Variants in MAGI2 observed in about 807,000 individuals in gnomAD.
MAGI2 encodes the protein membrane associated guanylate kinase, WW and PDZ domain containing 2.
MAGI2 carries 35 observed loss-of-function variants against 133.3 expected under a neutral mutation model. The observed-to-expected ratio is 0.26, with a 90% confidence interval of 0.20 to 0.35. The LOEUF is 0.35. Among genes scored for constraint, MAGI2 ranks in the 10% least tolerant of loss-of-function variants. The pLI is 1.00. For missense variants in MAGI2, 1,636 were observed against 1,863.4 expected, an observed-to-expected ratio of 0.88 and a Z score of 2.25; for synonymous variants, 729 against 710.6, an observed-to-expected ratio of 1.03 and a Z score of -0.41.
intron 2 of MAGI2, among the ~76,000 whole-genome samples, chr7:78,792,799 T>C (rs569493220): frequency 1.1e-4 from 17 of 152,218 alleles, no homozygotes; most frequent in Non-Finnish European, 2.4e-4. Flanking sequence ...AACCACCCTG[T>C]AGGTCTGTAG....
intron 1 of MAGI2, among the ~76,000 whole-genome samples, chr7:79,352,207 A>G (rs777017355): frequency 4.6e-5 from 7 of 152,218 alleles, no homozygotes; most frequent in Non-Finnish European, 8.8e-5. Flanking sequence ...GGATTTTCAT[A>G]AACTCCTCAC....
chr7:79,399,818 T>C (rs970352493), intron 1 of MAGI2, among the ~76,000 whole-genome samples: 2 of 152,286 alleles, frequency 1.3e-5, no homozygotes, highest in Non-Finnish European at 2.9e-5. Context: ...CTTAAAAAGA[T>C]CCTAGGTAAA....
At chr7:78,532,668 C>T (rs529029117) in intron 3 of MAGI2, among the ~76,000 whole-genome samples, 4 of 152,304 alleles carry the variant, frequency 2.6e-5, no homozygotes, top group African/African-American at 7.2e-5. Flanking sequence ...ATAAAGCCTA[C>T]GTGTTAGAGT....
intron 2 of MAGI2, among the ~76,000 whole-genome samples, chr7:78,735,086 C>G (rs367594915): frequency 6.6e-6 from 1 of 152,194 alleles, no homozygotes; most frequent in African/African-American, 2.4e-5. Flanking sequence ...CATGAAACAT[C>G]TTGCACTTCC....
At chr7:78,818,327 AT>A (rs1158217671) in intron 2 of MAGI2, among the ~76,000 whole-genome samples, 5 of 152,298 alleles carry the variant, frequency 3.3e-5, no homozygotes, top group African/African-American at 1.2e-4. Flanking sequence ...AGGCTGTCTC[AT>A]TCTTGAGCCT....
intron 11 of MAGI2, among the ~76,000 whole-genome samples, chr7:78,199,414 T>A (rs1048618310): frequency 6.6e-6 from 1 of 152,240 alleles, no homozygotes; most frequent in African/African-American, 2.4e-5. Flanking sequence ...AGAGGCAACA[T>A]GTTTTAAGCA....
At chr7:78,481,266 T>C (rs1792342250) in intron 6 of MAGI2, among the ~76,000 whole-genome samples, 1 of 151,902 alleles carries the variant, frequency 6.6e-6, no homozygotes. Context: ...CTTATAATCA[T>C]GGCAGAAGGG....
At chr7:79,386,522 T>A (rs1456382471) in intron 1 of MAGI2, among the ~76,000 whole-genome samples, 1 of 152,088 alleles carries the variant, frequency 6.6e-6, no homozygotes, top group Admixed American at 6.6e-5. Context: ...ACTTAGTTAC[T>A]CTTCTTAACT....
At chr7:79,343,610 T>C (rs1338139252) in intron 1 of MAGI2, among the ~76,000 whole-genome samples, 1 of 152,030 alleles carries the variant, frequency 6.6e-6, no homozygotes, top group African/African-American at 2.4e-5. Flanking sequence ...TTGAAAGTAA[T>C]ATATATTCTG....
chr7:79,445,320 C>T (rs1351053893), intron 1 of MAGI2, among the ~76,000 whole-genome samples: 1 of 152,098 alleles, frequency 6.6e-6, no homozygotes, highest in Non-Finnish European at 1.5e-5. Flanking sequence ...CAAATGGGAT[C>T]TAATTAAACT....
chr7:79,206,204 T>TAA (rs543132226), intron 1 of MAGI2, among the ~76,000 whole-genome samples: 6 of 140,742 alleles, frequency 4.3e-5, no homozygotes, highest in South Asian at 2.2e-4. Context: ...CCAAAGTTAG[T>TAA]AAAAAAAAAA....
chr7:78,663,852 C>A (rs1813250771), intron 2 of MAGI2, among the ~76,000 whole-genome samples: 1 of 152,190 alleles, frequency 6.6e-6, no homozygotes, highest in African/African-American at 2.4e-5. Context: ...CATGACTAAT[C>A]TCCCTTTTAC....
intron 9 of MAGI2, among the ~76,000 whole-genome samples, chr7:78,297,397 C>T (rs894669694): frequency 2.0e-4 from 30 of 152,042 alleles, no homozygotes; most frequent in African/African-American, 7.3e-4. Flanking sequence ...CAAACTAGTT[C>T]AACCATTGTG....
intron 10 of MAGI2, among the ~76,000 whole-genome samples, chr7:78,222,126 G>A (rs534027435): frequency 6.6e-6 from 1 of 152,134 alleles, no homozygotes; most frequent in Admixed American, 6.5e-5. Flanking sequence ...TTTATGCTGG[G>A]TTTAATATGT....
intron 1 of MAGI2, among the ~76,000 whole-genome samples, chr7:79,210,878 C>T (rs961446774): frequency 1.2e-4 from 19 of 152,070 alleles, no homozygotes; most frequent in Non-Finnish European, 5.9e-5. Context: ...CCACCTTTCA[C>T]TTCTTTCACT....
intron 3 of MAGI2, among the ~76,000 whole-genome samples, chr7:78,612,752 C>T (rs1462149587): frequency 6.6e-6 from 1 of 152,044 alleles, no homozygotes; most frequent in Non-Finnish European, 1.5e-5. Context: ...TCAGTGCAAC[C>T]TCCGCCTCCC....
At chr7:78,763,500 G>C (rs1563472361) in intron 2 of MAGI2, among the ~76,000 whole-genome samples, 1 of 152,148 alleles carries the variant, frequency 6.6e-6, no homozygotes, top group Non-Finnish European at 1.5e-5. Flanking sequence ...CAGGTGTGTG[G>C]AAGGGGTTGT....
chr7:78,570,791 C>T (rs1801421926), intron 3 of MAGI2, among the ~76,000 whole-genome samples: 1 of 152,098 alleles, frequency 6.6e-6, no homozygotes, highest in Non-Finnish European at 1.5e-5. Context: ...TTATATATTT[C>T]TGTGCTTCTT....
At chr7:78,391,286 T>C (rs1795878142) in intron 6 of MAGI2, among the ~76,000 whole-genome samples, 1 of 152,220 alleles carries the variant, frequency 6.6e-6, no homozygotes, top group African/African-American at 2.4e-5. Flanking sequence ...GTCTGCCAGC[T>C]AGCATTAGAG....
Sources: allele counts gnomAD v4.1 joint callset (sites outside exome capture counted in the v4.1 genomes callset), GRCh38; gene constraint gnomAD v4.1.1; transcripts MANE v1.5; gene names NCBI Gene and HGNC (gene_info 2026-07-23, HGNC 2026-07-21).